The following GPR19 variants were observed in gnomAD, a reference collection of about 807,000 sequenced individuals.
GPR19 encodes G protein-coupled receptor 19, also known as probable G protein-coupled receptor 19.
In GPR19, 14 loss-of-function variants were observed where a neutral mutation model predicts 28.5. That is an observed-to-expected ratio of 0.49 (90% confidence interval 0.32 to 0.77). The LOEUF is 0.77. Among genes scored for constraint, GPR19 ranks in the 30% least tolerant of loss-of-function variants. The pLI, the probability that GPR19 is intolerant of heterozygous loss-of-function variation, is 0.03. For synonymous variants in GPR19, 173 were observed against 184.1 expected (o/e 0.94, Z 0.49); for missense variants, 409 against 504.1 (o/e 0.81, Z 1.81).
the GPR19 span, chr12:12,714,944 T>A: frequency 6.6e-6 from 1 of 152,356 alleles, no homozygotes; most frequent in African/African-American, 2.4e-5. Context: ...GTGGTGTGAC[T>A]GTGACTTGCT....
intron 3 of GPR19, among the ~76,000 whole-genome samples, chr12:12,675,116 C>T (rs7973428): frequency 0.35 from 53,923 of 151,944 alleles, 9,828 homozygotes; most frequent in Admixed American, 0.45. Flanking sequence ...TCCTTAACAA[C>T]GTTCTAGGCT....
At chr12:12,699,971 TTTC>T (rs1329135774), upstream of GPR19, among the ~76,000 whole-genome samples, 1 of 98,230 alleles carries the variant, frequency 1.0e-5, no homozygotes, top group Non-Finnish European at 2.0e-5. Flanking sequence ...CAAAAAAAGC[TTTC>T]TTTCTTTTTT....
chr12:12,683,693 C>G (rs1946054505), intron 3 of GPR19, among the ~76,000 whole-genome samples: 1 of 152,230 alleles, frequency 6.6e-6, no homozygotes, highest in South Asian at 2.1e-4. Context: ...GGGCTCCTCT[C>G]TTTGTGCTGA....
Position 12,661,103 on chromosome 12 carries a change from C to A in GPR19, c.*98G>T. On this transcript the variant is annotated 3_prime_UTR_variant, in exon 4 of 4. Coordinates refer to ENST00000651487, the MANE Select transcript of GPR19 (RefSeq NM_006143.3). This position sits in a 1 kb window ranked among gnomAD's most constrained non-coding sequence, Gnocchi z 4.2. ...TGCATTTTACAAAATAAAACATTTC[C>A]CTTGGAAAGTTGAGTGAAAACAAAT... 4.9e-6 allele frequency: 4 copies of A among 811,600 alleles called. No individual in the cohort carries two copies. Among genetic ancestry groups the A allele is most frequent in the South Asian group, 2.2e-5 (1 of 44,916 alleles). The allele number at this position is 811,600 out of a possible 1,614,324, so 50.3% of individuals were successfully genotyped here.
chr12:12,680,607 T>A (rs951553931), intron 3 of GPR19, among the ~76,000 whole-genome samples: 1 of 151,620 alleles, frequency 6.6e-6, no homozygotes, highest in Non-Finnish European at 1.5e-5. Context: ...CCCAGGCCCA[T>A]GCAATCTTCC....
the GPR19 span, among the ~76,000 whole-genome samples, chr12:12,704,154 C>T: frequency 2.6e-5 from 4 of 152,180 alleles, 1 homozygote; most frequent in Non-Finnish European, 5.9e-5. Context: ...TTTTGTTCTA[C>T]TTCACTTGTT....
intron 2 of GPR19, among the ~76,000 whole-genome samples, chr12:12,688,011 T>G (rs1182005613): frequency 6.6e-6 from 1 of 152,222 alleles, no homozygotes; most frequent in Non-Finnish European, 1.5e-5. Flanking sequence ...AAATACAGAC[T>G]ACTATAGTTA....
intron 2 of GPR19, among the ~76,000 whole-genome samples, chr12:12,692,856 CT>C (rs1328051280): frequency 6.6e-6 from 1 of 152,144 alleles, no homozygotes; most frequent in Non-Finnish European, 1.5e-5. Context: ...CCATAAAAAC[CT>C]TTAAAGACAG....
chr12:12,716,218 A>G, the GPR19 span, among the ~76,000 whole-genome samples: 2 of 152,352 alleles, frequency 1.3e-5, 1 homozygote, highest in Non-Finnish European at 2.9e-5. Flanking sequence ...ATCGGACGTT[A>G]GGACATGGTT....
At chr12:12,708,028 C>T in the GPR19 span, among the ~76,000 whole-genome samples, 1 of 116,506 alleles carries the variant, frequency 8.6e-6, no homozygotes, top group African/African-American at 3.2e-5. Context: ...GAGATACGGC[C>T]TAGCTCTGTC....
At chr12:12,711,407 C>G in the GPR19 span, among the ~76,000 whole-genome samples, 2 of 151,956 alleles carry the variant, frequency 1.3e-5, no homozygotes, top group Admixed American at 1.3e-4. Context: ...CAAGGTTGCT[C>G]TAGTATTCAC....
chr12:12,681,884 T>A (rs1309633501), intron 3 of GPR19, among the ~76,000 whole-genome samples: 1 of 152,224 alleles, frequency 6.6e-6, no homozygotes, highest in African/African-American at 2.4e-5. Flanking sequence ...ATCTTCTTCA[T>A]TCAGGACAAT....
chr12:12,713,836 A>G, the GPR19 span, among the ~76,000 whole-genome samples: 1 of 152,326 alleles, frequency 6.6e-6, no homozygotes, highest in East Asian at 1.9e-4. Flanking sequence ...CTGGCCTCAA[A>G]GGCCACTTTC....
At position 12,661,658 on chromosome 12, in the gene GPR19, A is replaced by C; in HGVS notation, c.791T>G (p.Met264Arg). Residue 264 changes from methionine (M) to arginine (R), a missense_variant, in exon 4 of 4, where the codon ATG (methionine) becomes AGG (arginine). Met to Arg is a moderately conservative substitution (Grantham distance 91, BLOSUM62 -1). Coordinates refer to ENST00000651487, the MANE Select transcript of GPR19 (RefSeq NM_006143.3). This position sits in a 1 kb window ranked among gnomAD's most constrained non-coding sequence, Gnocchi z 4.2. The part of the protein sequence containing the change: ...GTDGRTVRRT[M>R]NIVPRTKVKT... ...CACTTTTGTCCGAGGGACAATGTTC[A>C]TTGTCCTCCTCACCGTTCGGCCATC... is the stretch of plus-strand genomic sequence containing the variant. The C allele has an allele frequency of 6.2e-7, 1 of 1,614,014 alleles. No homozygotes were observed. The highest frequency in any genetic ancestry group is 1.3e-5 in the African/African-American group (1 of 75,054).
chr12:12,662,261 C>G lies in GPR19; in HGVS notation c.188G>C (p.Gly63Ala). 6.2e-7 allele frequency: 1 copy of G among 1,614,202 alleles called. No individual in the cohort carries two copies. Among genetic ancestry groups the G allele is most frequent in the Non-Finnish European group, 8.5e-7 (1 of 1,180,032 alleles). Reference sequence around the variant, plus strand: ...GAAGATGCTGGCTGTGGCCACTTCCCCGGGTTTCAGCACATAGTGAAGGTC... The same window carrying G: ...GAAGATGCTGGCTGTGGCCACTTCCGCGGGTTTCAGCACATAGTGAAGGTC... ...QTDLHYVLKP[G>A]EVATASIFFG... The change falls in exon 4 of 4, where the codon GGG becomes GCG. Residue 63 changes from glycine (G) to alanine (A), a missense_variant. Physicochemically the swap from Gly to Ala is moderately conservative, Grantham distance 60 (BLOSUM62 0). Transcript: ENST00000651487.
At chr12:12,690,874 C>T (rs1345524275) in intron 2 of GPR19, among the ~76,000 whole-genome samples, 3 of 151,966 alleles carry the variant, frequency 2.0e-5, no homozygotes, top group Non-Finnish European at 4.4e-5. Flanking sequence ...GGGCTGTTGG[C>T]AATTTTGCCT....
the GPR19 span, chr12:12,716,598 A>T: frequency 4.4e-6 from 1 of 225,128 alleles, no homozygotes; most frequent in Non-Finnish European, 6.6e-6. Flanking sequence ...GGGACTTGAG[A>T]GACTAGAGTT....
chr12:12,699,445 C>CA (rs1429329876), upstream of GPR19, among the ~76,000 whole-genome samples: 4 of 143,634 alleles, frequency 2.8e-5, no homozygotes, highest in African/African-American at 1.1e-4. Context: ...GCTCTGCACT[C>CA]AGGTCTTAAG....
At chr12:12,685,705 T>C (rs376163737) in intron 2 of GPR19, among the ~76,000 whole-genome samples, 9 of 152,298 alleles carry the variant, frequency 5.9e-5, no homozygotes, top group Middle Eastern at 3.4e-3. Flanking sequence ...CTGCAATAGT[T>C]ACTCTCCCCA....
Sources: gnomAD v4.1 joint callset for allele counts (sites outside exome capture counted in the v4.1 genomes callset) on GRCh38, gnomAD v4.1.1 for gene constraint, Gnocchi (gnomAD v3.1) non-coding constraint, MANE v1.5 for transcripts, NCBI Gene and HGNC (gene_info 2026-07-23, HGNC 2026-07-21) for gene names.